The following HINT3 variants were observed in gnomAD, a reference collection of about 807,000 sequenced individuals.
HINT3 encodes the protein histidine triad nucleotide binding protein 3.
HINT3 carries 16 observed loss-of-function variants against 19.1 expected under a neutral mutation model. That is an observed-to-expected ratio of 0.84 (90% confidence interval 0.57 to 1.27). The LOEUF is 1.27. Ranked by LOEUF, HINT3 falls within the 50% of genes most tolerant of loss-of-function variation. The pLI, the probability that HINT3 is intolerant of heterozygous loss-of-function variation, is 0.00. For missense variants in HINT3, 197 were observed against 225.8 expected, an observed-to-expected ratio of 0.87 and a Z score of 0.82; for synonymous variants, 75 against 84.8, an observed-to-expected ratio of 0.88 and a Z score of 0.63.
intron 2 of HINT3, among the ~76,000 whole-genome samples, chr6:125,969,997 G>C (rs1466020731): frequency 6.6e-6 from 1 of 151,990 alleles, no homozygotes; most frequent in Non-Finnish European, 1.5e-5. Context: ...TGATTGCTCT[G>C]GCTAGGACTT....
intron 1 of HINT3, among the ~76,000 whole-genome samples, chr6:125,961,763 G>A (rs1788930474): frequency 6.6e-6 from 1 of 152,036 alleles, no homozygotes; most frequent in Non-Finnish European, 1.5e-5. Context: ...CTTTTATGGA[G>A]TCTTCATTGG....
At chr6:125,971,920 C>T (rs1789106866) in intron 2 of HINT3, among the ~76,000 whole-genome samples, 1 of 151,960 alleles carries the variant, frequency 6.6e-6, no homozygotes, top group Admixed American at 6.6e-5. Context: ...ACCATGTTGG[C>T]CAGGATGGTC....
rs562235015 is a variant in HINT3, at chr6:125,979,323, A to C, written c.*1647A>C. ...GATATAGTTCACTGAGCACTTACAT[A>C]GATTAACAGTTACAAGTTTCCATAA... On this transcript the variant is annotated 3_prime_UTR_variant, in exon 5 of 5. Coordinates refer to ENST00000229633, the MANE Select transcript of HINT3 (RefSeq NM_138571.5). The C allele has an allele frequency of 6.6e-6, 1 of 152,330 alleles. No homozygotes were observed. The highest frequency in any genetic ancestry group is 2.1e-4 in the South Asian group (1 of 4,832). 9.4% of individuals were successfully genotyped at this position (152,330 alleles called of 1,614,324 possible). A position where few individuals can be genotyped will look rare whatever the true frequency, so the allele number is the denominator to read the frequency against.
intron 1 of HINT3, 72 bp downstream of exon 1, chr6:125,957,250 G>A (rs932887474): frequency 8.3e-6 from 12 of 1,437,378 alleles, no homozygotes; most frequent in African/African-American, 2.8e-5. Flanking sequence ...GGGAGGCCTC[G>A]CCGTTGTGGA....
At chr6:125,959,842 C>CT (rs1309419267) in intron 1 of HINT3, among the ~76,000 whole-genome samples, 2 of 152,210 alleles carry the variant, frequency 1.3e-5, no homozygotes, top group Non-Finnish European at 2.9e-5. Flanking sequence ...TCCTCACTCT[C>CT]TGTGTGCCAG....
At chr6:125,957,307 C>T (rs761124741) in intron 1 of HINT3, 129 bp downstream of exon 1, 7 of 1,019,278 alleles carry the variant, frequency 6.9e-6, no homozygotes, top group Non-Finnish European at 9.8e-6. Flanking sequence ...AGAGGCAGGG[C>T]CGCTCTGTGT....
intron 1 of HINT3, among the ~76,000 whole-genome samples, chr6:125,964,293 T>G (rs905210072): frequency 6.6e-6 from 1 of 152,216 alleles, no homozygotes. Context: ...TTGTGAAGTG[T>G]GATGTATACA....
chr6:125,960,024 T>C (rs1051426461), intron 1 of HINT3, among the ~76,000 whole-genome samples: 1 of 152,248 alleles, frequency 6.6e-6, no homozygotes, highest in African/African-American at 2.4e-5. Context: ...TTTAAAATTT[T>C]AGTCAGGAAA....
In HINT3 at chr6:125,962,161, C is replaced by CATATATATATATAT. The variant is rs1554209716; in HGVS notation, c.202-4725_202-4724insTATATATATATATA. The stretch of plus-strand genomic sequence containing the variant: ...GTGGATGGAAACCCATATATATATA[C>CATATATATATATAT]ACATATATATATATATATATATATA... On this transcript the variant is annotated intron_variant, in intron 1 of 4. Transcript: ENST00000229633. 1.6e-4 allele frequency among the ~76,000 whole-genome samples: 16 copies of CATATATATATATAT among 99,826 alleles called. 1 individual carries two copies. The highest frequency in any genetic ancestry group is 4.9e-4 in the African/African-American group (11 of 22,472). 65.5% of individuals were successfully genotyped at this position (99,826 alleles called of 152,430 possible).
intron 4 of HINT3, 136 bp from the exon 5 acceptor site, chr6:125,977,508 T>C: frequency 4.7e-6 from 2 of 421,486 alleles, no homozygotes; most frequent in South Asian, 8.7e-5. Context: ...ACTGAGTTTT[T>C]TTGTAAGATA....
chr6:125,961,670 A>G (rs1247294862), intron 1 of HINT3, among the ~76,000 whole-genome samples: 1 of 152,160 alleles, frequency 6.6e-6, no homozygotes, highest in Admixed American at 6.5e-5. Flanking sequence ...CAGAGCTTCC[A>G]TGTCCTCCTC....
In HINT3 at chr6:125,978,122, A is replaced by C. The variant is rs939557010; in HGVS notation, c.*446A>C. 6 of 152,308 alleles carry C rather than the reference A, an allele frequency of 3.9e-5. No homozygotes were observed. The highest frequency in any genetic ancestry group is 1.4e-4 in the African/African-American group (6 of 41,462). 9.4% of individuals were successfully genotyped at this position (152,308 alleles called of 1,614,324 possible). On this transcript the variant is annotated 3_prime_UTR_variant, in exon 5 of 5. Transcript: ENST00000229633. The stretch of plus-strand genomic sequence containing the variant: ...TTTCTTGACAGTTCTATAGTTATAC[A>C]CATAAATTTTCAAAATAAAGAATAC...
At chr6:125,964,737 TACAC>T (rs3083382) in intron 1 of HINT3, among the ~76,000 whole-genome samples, 5,735 of 148,492 alleles carry the variant, frequency 0.039, 120 homozygotes, top group Middle Eastern at 0.083. Flanking sequence ...AATAGTTTTA[TACAC>T]ACACACACAC....
At chr6:125,968,863 T>A (rs1562213944) in intron 2 of HINT3, among the ~76,000 whole-genome samples, 1 of 152,186 alleles carries the variant, frequency 6.6e-6, no homozygotes, top group Non-Finnish European at 1.5e-5. Flanking sequence ...ATGGTGATTT[T>A]TGGTTGTTTA....
chr6:125,957,220 C>A (rs1260742645), intron 1 of HINT3, 42 bp downstream of exon 1: 7 of 1,513,806 alleles, frequency 4.6e-6, no homozygotes, highest in Non-Finnish European at 6.2e-6. Context: ...AGGACCTGGC[C>A]GCCCCTCGGA....
At chr6:125,957,568 A>G (rs1483122166) in intron 1 of HINT3, among the ~76,000 whole-genome samples, 1 of 152,222 alleles carries the variant, frequency 6.6e-6, no homozygotes, top group Admixed American at 6.5e-5. Flanking sequence ...CACCTTCAAG[A>G]TACTGATTTT....
intron 1 of HINT3, among the ~76,000 whole-genome samples, chr6:125,965,542 C>T (rs1445996007): frequency 2.0e-5 from 3 of 152,046 alleles, no homozygotes; most frequent in Non-Finnish European, 4.4e-5. Context: ...AGGAGGATCG[C>T]TTGAGTCCAG....
intron 2 of HINT3, among the ~76,000 whole-genome samples, chr6:125,970,362 T>A (rs1362688883): frequency 2.6e-5 from 4 of 152,192 alleles, no homozygotes; most frequent in Non-Finnish European, 4.4e-5. Flanking sequence ...TTAAAAGTTT[T>A]TATTTTCATT....
intron 3 of HINT3, 79 bp from the exon 4 acceptor site, chr6:125,974,768 A>T: frequency 7.0e-7 from 1 of 1,424,314 alleles, no homozygotes; most frequent in Non-Finnish European, 9.7e-7. Flanking sequence ...GGATCTCATT[A>T]AAATTTATGT....
Sources: allele counts gnomAD v4.1 joint callset (sites outside exome capture counted in the v4.1 genomes callset), GRCh38; gene constraint gnomAD v4.1.1; transcripts MANE v1.5; gene names NCBI Gene and HGNC (gene_info 2026-07-23, HGNC 2026-07-21).